The following FAM47E variants were observed in gnomAD, a reference collection of about 807,000 sequenced individuals.
FAM47E encodes the protein protein FAM47E.
Under a neutral mutation model 41.6 loss-of-function variants are expected in FAM47E, and 32 were observed. That is an observed-to-expected ratio of 0.77 (90% CI 0.58 to 1.03). The LOEUF (loss-of-function observed/expected upper bound fraction) is 1.03. Ranked by LOEUF, FAM47E falls within the 50% of genes least tolerant of loss-of-function variation. The pLI, the probability that FAM47E is intolerant of heterozygous loss-of-function variation, is 0.00. For synonymous variants in FAM47E, 184 were observed against 188.7 expected, an observed-to-expected ratio of 0.98 and a Z score of 0.20; for missense variants, 424 against 485.4, an observed-to-expected ratio of 0.87 and a Z score of 1.19.
upstream of FAM47E, among the ~76,000 whole-genome samples, chr4:76,247,918 T>C (rs1156529753): frequency 5.5e-3 from 742 of 135,572 alleles, 11 homozygotes; most frequent in African/African-American, 0.019. Context: ...CTCTTTTTTT[T>C]TTTTTTTTTT....
intron 2 of FAM47E, among the ~76,000 whole-genome samples, chr4:76,220,472 T>A (rs1455851563): frequency 1.3e-5 from 2 of 152,054 alleles, no homozygotes; most frequent in East Asian, 1.9e-4. Flanking sequence ...ATAGAAAAAT[T>A]AAAAATTAGA....
chr4:76,274,183 G>A (rs1560751591), intron 5 of FAM47E, among the ~76,000 whole-genome samples: 1 of 152,124 alleles, frequency 6.6e-6, no homozygotes, highest in Non-Finnish European at 1.5e-5. Context: ...ATCTTACTGG[G>A]TGTTGACTAT....
At chr4:76,268,062 A>G (rs1734717348) in intron 3 of FAM47E, 1 of 152,216 alleles carries the variant, frequency 6.6e-6, no homozygotes, top group African/African-American at 2.4e-5. Context: ...ATTATATCTC[A>G]ATTTTTATAA....
At chr4:76,268,502 T>G in intron 3 of FAM47E, 158 bp from the exon 4 acceptor site, 1 of 659,244 alleles carries the variant, frequency 1.5e-6, no homozygotes, top group South Asian at 2.2e-5. Context: ...GTAATGAGAA[T>G]GTGCTCTTTG....
At position 76,283,430 on chromosome 4, in the gene FAM47E, A is replaced by G. The variant is rs1735445202; in HGVS notation, c.1154A>G (p.Lys385Arg). 6.5e-7 allele frequency: 1 copy of G among 1,547,426 alleles called. No individual in the cohort carries two copies. Among genetic ancestry groups the G allele is most frequent in the African/African-American group, 1.4e-5 (1 of 72,928 alleles). The change falls in exon 8 of 8, where the codon AAG becomes AGG. Residue 385 changes from lysine to arginine, a missense_variant. Physicochemically the swap from Lys to Arg is conservative, Grantham distance 26 (BLOSUM62 2). Coordinates refer to ENST00000424749, the MANE Select transcript of FAM47E (RefSeq NM_001136570.3). ...IGKECKRACN[K>R]TPIKRTQA Reference sequence around the variant, plus strand: ...AAGGAATGTAAACGTGCATGTAATAAGACTCCTATAAAACGAACTCAAGCA... The same window carrying G: ...AAGGAATGTAAACGTGCATGTAATAGGACTCCTATAAAACGAACTCAAGCA...
rs183276896 is a variant in FAM47E, at chr4:76,229,534, T to C, written c.81+11846T>C. ...CAGATTCTTTTGTCCTATAGGGTGA[T>C]CCCTTGATGTGGTATGCTCTCCCTT... On this transcript the variant is annotated intron_variant, in intron 2 of 7. Coordinates refer to the FAM47E transcript ENST00000510197. Among the ~76,000 whole-genome samples, 21 of 152,312 alleles carry C rather than the reference T, an allele frequency of 1.4e-4. No individual in the cohort carries two copies. In the East Asian group the frequency reaches 3.5e-3, roughly 25 times the overall value.
intron 7 of FAM47E, chr4:76,281,708 A>G (rs1530297): frequency 0.57 from 86,097 of 151,752 alleles, 24,423 homozygotes; most frequent in Middle Eastern, 0.58. Flanking sequence ...TTTAATCCAT[A>G]CTGTTCATGA....
At chr4:76,230,595 A>G (rs1733475518) in intron 2 of FAM47E, among the ~76,000 whole-genome samples, 1 of 152,130 alleles carries the variant, frequency 6.6e-6, no homozygotes, top group Admixed American at 6.5e-5. Context: ...ATTATTATAA[A>G]GTTCAGTTTG....
At chr4:76,234,475 T>A (rs1347811008) in intron 2 of FAM47E, 1 of 152,240 alleles carries the variant, frequency 6.6e-6, no homozygotes, top group South Asian at 2.1e-4. Flanking sequence ...ACAGGGACTC[T>A]TGCTAGGCCA....
upstream of FAM47E, among the ~76,000 whole-genome samples, chr4:76,251,480 T>C (rs147926629): frequency 6.4e-4 from 98 of 152,286 alleles, 1 homozygote; most frequent in African/African-American, 2.2e-3. Flanking sequence ...ATCCAGTCTA[T>C]GGCGCGTTTC....
At chr4:76,275,720 C>T (rs1688287792) in intron 5 of FAM47E, among the ~76,000 whole-genome samples, 1 of 152,160 alleles carries the variant, frequency 6.6e-6, no homozygotes, top group Admixed American at 6.5e-5. Flanking sequence ...TATCTTGAGT[C>T]TGGAAAGATC....
intron 1 of FAM47E, among the ~76,000 whole-genome samples, chr4:76,254,648 A>G (rs944314509): frequency 6.6e-6 from 1 of 152,174 alleles, no homozygotes; most frequent in African/African-American, 2.4e-5. Context: ...TCTTAAAAAC[A>G]CTTTGTAGCA....
intron 5 of FAM47E, among the ~76,000 whole-genome samples, chr4:76,276,723 G>A (rs1735134182): frequency 6.6e-6 from 1 of 152,232 alleles, no homozygotes; most frequent in Non-Finnish European, 1.5e-5. Flanking sequence ...AGCAAGCCAT[G>A]TGTGTGTCTT....
In FAM47E at chr4:76,283,203, C is replaced by T. The variant is rs1289577207; in HGVS notation, c.1105-178C>T. ...TCTGAGTGTTTCTGATACTGTGTGA[C>T]TACCTTCCAAAGACCAACATCTATC... On this transcript the variant is annotated intron_variant, in intron 7 of 7. Coordinates refer to ENST00000424749, the MANE Select transcript of FAM47E (RefSeq NM_001136570.3). 8.4e-6 allele frequency: 4 copies of T among 476,884 alleles called. No individual in the cohort carries two copies. The East Asian group carries it at 1.0e-4, about 12-fold the overall frequency. The allele number at this position is 476,884 out of a possible 1,614,324, so 29.5% of individuals were successfully genotyped here.
chr4:76,243,599 A>G (rs1308860051), intron 2 of FAM47E, among the ~76,000 whole-genome samples: 1 of 151,966 alleles, frequency 6.6e-6, no homozygotes, highest in African/African-American at 2.4e-5. Flanking sequence ...AATTCATGGC[A>G]CTCCACTATC....
chr4:76,220,930 A>G lies in FAM47E; in HGVS notation c.81+3242A>G, dbSNP rs141270471. Reference sequence around the variant, plus strand: ...TCTTCATTCTCTCAGCGGAGTCAGTACACACACTCAGCTTCCCCTGGGGAT... The same window carrying G: ...TCTTCATTCTCTCAGCGGAGTCAGTGCACACACTCAGCTTCCCCTGGGGAT... On this transcript the variant is annotated intron_variant, in intron 2 of 7. Transcript: ENST00000510197. Among the ~76,000 whole-genome samples, 109 of 152,278 alleles carry G rather than the reference A, an allele frequency of 7.2e-4. 1 individual carries two copies. Among genetic ancestry groups the G allele is most frequent in the African/African-American group, 2.5e-3 (103 of 41,564 alleles).
intron 2 of FAM47E, among the ~76,000 whole-genome samples, chr4:76,263,414 T>G (rs1029556971): frequency 1.3e-5 from 2 of 152,246 alleles, no homozygotes; most frequent in Non-Finnish European, 2.9e-5. Flanking sequence ...TTGCAATTTT[T>G]TTTCAGAATT....
intron 2 of FAM47E, among the ~76,000 whole-genome samples, chr4:76,263,324 G>A (rs1377397069): frequency 6.6e-6 from 1 of 152,094 alleles, no homozygotes; most frequent in African/African-American, 2.4e-5. Context: ...GTGTAAAATG[G>A]CCAATGAAGT....
At chr4:76,276,347 G>C (rs1172295213) in intron 5 of FAM47E, among the ~76,000 whole-genome samples, 1 of 93,584 alleles carries the variant, frequency 1.1e-5, no homozygotes. Context: ...ACTGTTGGGA[G>C]GGGGTTACTT....
Sources: allele counts gnomAD v4.1 joint callset (sites outside exome capture counted in the v4.1 genomes callset), GRCh38; gene constraint gnomAD v4.1.1; transcripts MANE v1.5; gene names NCBI Gene and HGNC (gene_info 2026-07-23, HGNC 2026-07-21).